Variants in UNC5D observed in about 807,000 individuals in gnomAD.
UNC5D encodes the protein netrin receptor UNC5D.
Under a neutral mutation model 105.4 loss-of-function variants are expected in UNC5D, and 39 were observed. The observed-to-expected ratio is 0.37, with a 90% confidence interval of 0.29 to 0.48. The LOEUF (loss-of-function observed/expected upper bound fraction) is 0.48, where lower values mean the gene tolerates loss of function less well. Among genes scored for constraint, UNC5D ranks in the 20% least tolerant of loss-of-function variants. The probability of loss-of-function intolerance (pLI) is 0.98; values close to 1 mark genes in which losing one functional copy is unlikely to be tolerated. For missense variants in UNC5D, 991 were observed against 1,202.4 expected (o/e 0.82, Z 2.60); for synonymous variants, 452 against 450.4 (o/e 1.00, Z -0.04).
chr8:35,570,718 C>G (rs1817659236), intron 3 of UNC5D, among the ~76,000 whole-genome samples: 1 of 151,952 alleles, frequency 6.6e-6, no homozygotes. Context: ...CTTTCGGAGG[C>G]CAAGGTGGGT....
chr8:35,594,248 G>A (rs921115540), intron 3 of UNC5D, among the ~76,000 whole-genome samples: 2 of 152,170 alleles, frequency 1.3e-5, no homozygotes, highest in East Asian at 1.9e-4. Flanking sequence ...CCTCTGGGAG[G>A]GAAAGCATTA....
At chr8:35,249,472 C>T (rs1032857413) in intron 1 of UNC5D, among the ~76,000 whole-genome samples, 2 of 150,766 alleles carry the variant, frequency 1.3e-5, no homozygotes, top group Non-Finnish European at 1.5e-5. Context: ...GCAGGAGAAT[C>T]GCTTGAACCT....
intron 1 of UNC5D, among the ~76,000 whole-genome samples, chr8:35,380,202 A>G (rs1197598548): frequency 2.0e-5 from 3 of 147,974 alleles, no homozygotes; most frequent in Non-Finnish European, 3.0e-5. Flanking sequence ...CGAGAGGGAG[A>G]GAGAGAGAGA....
At chr8:35,764,237 A>T (rs1801667662) in intron 14 of UNC5D, among the ~76,000 whole-genome samples, 1 of 152,188 alleles carries the variant, frequency 6.6e-6, no homozygotes, top group African/African-American at 2.4e-5. Flanking sequence ...CAGAGAAGTA[A>T]AGACCAAACA....
At chr8:35,359,340 C>G (rs1192713048) in intron 1 of UNC5D, among the ~76,000 whole-genome samples, 1 of 152,202 alleles carries the variant, frequency 6.6e-6, no homozygotes, top group Non-Finnish European at 1.5e-5. Context: ...AAATTATTCA[C>G]CCATCTACCA....
At chr8:35,595,947 TC>T (rs1819466928) in intron 4 of UNC5D, among the ~76,000 whole-genome samples, 1 of 152,344 alleles carries the variant, frequency 6.6e-6, no homozygotes, top group African/African-American at 2.4e-5. Context: ...TGTCATTCTT[TC>T]TGTCCTCAGT....
At chr8:35,603,362 T>A (rs1026928489) in intron 4 of UNC5D, among the ~76,000 whole-genome samples, 2 of 152,136 alleles carry the variant, frequency 1.3e-5, no homozygotes, top group Non-Finnish European at 2.9e-5. Context: ...TTTGAGTGAG[T>A]TTCTTAATCC....
At chr8:35,518,101 G>T (rs1428045867) in intron 1 of UNC5D, among the ~76,000 whole-genome samples, 1 of 151,756 alleles carries the variant, frequency 6.6e-6, no homozygotes, top group Non-Finnish European at 1.5e-5. Flanking sequence ...TTTTGCCTGA[G>T]AACTTTTTAA....
Position 35,324,035 on chromosome 8 carries a change from G to A in UNC5D, c.103+88148G>A, listed in dbSNP as rs532404873. ...GTTTGTGCCCAGGAATTTGAAACCA[G>A]CCTGGACAACATAGCGAGACCCCAT... is the stretch of plus-strand genomic sequence containing the variant. On this transcript the variant is annotated intron_variant, in intron 1 of 16. Coordinates refer to ENST00000404895, the MANE Select transcript of UNC5D (RefSeq NM_080872.4). 9.2e-5 allele frequency among the ~76,000 whole-genome samples: 14 copies of A among 152,002 alleles called. No homozygotes were observed. The East Asian group carries it at 1.9e-3, about 21-fold the overall frequency.
intron 16 of UNC5D, among the ~76,000 whole-genome samples, chr8:35,775,403 T>C (rs546668172): frequency 9.2e-5 from 14 of 152,212 alleles, no homozygotes; most frequent in African/African-American, 3.4e-4. Context: ...TTTATTACTT[T>C]AGGTAAGACA....
At chr8:35,522,843 T>C (rs1305457164) in intron 1 of UNC5D, among the ~76,000 whole-genome samples, 1 of 152,176 alleles carries the variant, frequency 6.6e-6, no homozygotes, top group Non-Finnish European at 1.5e-5. Context: ...ACATCCCTAA[T>C]ATTCATCTAA....
intron 4 of UNC5D, among the ~76,000 whole-genome samples, chr8:35,641,366 C>CAAAAAAAAAAAAAAA (rs377021599): frequency 4.3e-3 from 189 of 44,174 alleles, no homozygotes; most frequent in African/African-American, 5.8e-3. Flanking sequence ...AAAAATAAAG[C>CAAAAAAAAAAAAAAA]AAAAAAAAAA....
At chr8:35,274,641 T>C (rs1585471683) in intron 1 of UNC5D, among the ~76,000 whole-genome samples, 1 of 152,290 alleles carries the variant, frequency 6.6e-6, no homozygotes, top group Non-Finnish European at 1.5e-5. Flanking sequence ...GATAACAACA[T>C]CAATTCATCA....
chr8:35,660,307 G>A (rs1272040491), intron 4 of UNC5D, among the ~76,000 whole-genome samples: 1 of 152,210 alleles, frequency 6.6e-6, no homozygotes, highest in African/African-American at 2.4e-5. Flanking sequence ...AGTAAACTGG[G>A]TGAATGTGGT....
chr8:35,418,463 C>A (rs1417985529), intron 1 of UNC5D, among the ~76,000 whole-genome samples: 1 of 152,134 alleles, frequency 6.6e-6, no homozygotes, highest in African/African-American at 2.4e-5. Flanking sequence ...GATTTTATAG[C>A]CCCTGTTGCA....
At chr8:35,709,587 G>T (rs769155003) in intron 8 of UNC5D, among the ~76,000 whole-genome samples, 4 of 152,154 alleles carry the variant, frequency 2.6e-5, no homozygotes, top group Non-Finnish European at 5.9e-5. Flanking sequence ...CTACTCGGGA[G>T]GCTGAGGCAA....
intron 1 of UNC5D, among the ~76,000 whole-genome samples, chr8:35,538,395 TTA>T (rs10524805): frequency 0.059 from 4,784 of 81,188 alleles, 89 homozygotes; most frequent in Non-Finnish European, 0.085. Flanking sequence ...AAAAAAATAA[TTA>T]TATATATATA....
chr8:35,733,388 C>A (rs1461224343), intron 11 of UNC5D, among the ~76,000 whole-genome samples: 1 of 152,162 alleles, frequency 6.6e-6, no homozygotes, highest in East Asian at 1.9e-4. Context: ...GTCACCTTTT[C>A]TTTGTAATAT....
intron 1 of UNC5D, among the ~76,000 whole-genome samples, chr8:35,413,063 C>T (rs944059002): frequency 2.6e-5 from 4 of 152,012 alleles, no homozygotes; most frequent in African/African-American, 4.8e-5. Context: ...GCTGCAAATG[C>T]GCTATGTAGT....
Sources: allele counts gnomAD v4.1 joint callset (sites outside exome capture counted in the v4.1 genomes callset), GRCh38; gene constraint gnomAD v4.1.1; transcripts MANE v1.5; gene names NCBI Gene and HGNC (gene_info 2026-07-23, HGNC 2026-07-21).